PCDHGA3: variants seen among roughly 807,000 people sequenced by gnomAD.
The protein encoded by PCDHGA3 is protocadherin gamma subfamily A, 3.
Under a neutral mutation model 58.5 loss-of-function variants are expected in PCDHGA3, and 40 were observed. The observed-to-expected ratio is 0.68, with a 90% CI of 0.53 to 0.89. The LOEUF (loss-of-function observed/expected upper bound fraction) is 0.89, where lower values mean the gene tolerates loss of function less well. Among genes scored for constraint, PCDHGA3 ranks in the 40% least tolerant of loss-of-function variants. The probability of loss-of-function intolerance (pLI) is 0.00; values close to 1 mark genes in which losing one functional copy is unlikely to be tolerated. For missense variants in PCDHGA3, 1,223 were observed against 1,195.9 expected (o/e 1.02, Z -0.33); for synonymous variants, 530 against 525.7 (o/e 1.01, Z -0.11).
chr5:141,372,607 G>A, intron 1 of PCDHGA3: 1 of 1,614,000 alleles, frequency 6.2e-7, no homozygotes, highest in South Asian at 1.1e-5. Context: ...ACTGTACCTG[G>A]AGTTCTCCCC....
intron 1 of PCDHGA3, among the ~76,000 whole-genome samples, chr5:141,363,586 A>T (rs1211336647): frequency 6.6e-6 from 1 of 152,232 alleles, no homozygotes; most frequent in Non-Finnish European, 1.5e-5. Context: ...TGCATAGTTA[A>T]CCCAACTCAA....
intron 1 of PCDHGA3, chr5:141,393,714 A>G: frequency 6.2e-7 from 1 of 1,613,878 alleles, no homozygotes; most frequent in South Asian, 1.1e-5. Flanking sequence ...TACTGGGGAA[A>G]TATCAATAGC....
intron 1 of PCDHGA3, chr5:141,414,582 C>T (rs2095761888): frequency 2.5e-6 from 4 of 1,613,862 alleles, no homozygotes; most frequent in Non-Finnish European, 3.4e-6. Flanking sequence ...CAGAGAACAA[C>T]GCCAGGGGTG....
At chr5:141,420,817 A>G (rs547074952) in intron 1 of PCDHGA3, among the ~76,000 whole-genome samples, 2 of 152,354 alleles carry the variant, frequency 1.3e-5, no homozygotes, top group South Asian at 2.1e-4. Flanking sequence ...AGCCCTTTTA[A>G]TAATTACTCC....
chr5:141,361,078 T>C (rs898442312), intron 1 of PCDHGA3: 6 of 1,613,886 alleles, frequency 3.7e-6, no homozygotes, highest in Admixed American at 1.7e-5. Context: ...TGCAAGTAGT[T>C]ACACTCTGAG....
intron 1 of PCDHGA3, chr5:141,365,174 C>A: frequency 6.2e-7 from 1 of 1,613,878 alleles, no homozygotes; most frequent in Non-Finnish European, 8.5e-7. Flanking sequence ...CTACTCTTTT[C>A]GCAATGAAGA....
At chr5:141,402,469 A>G (rs2094270515) in intron 1 of PCDHGA3, among the ~76,000 whole-genome samples, 1 of 152,224 alleles carries the variant, frequency 6.6e-6, no homozygotes. Context: ...ATCTAGAAAT[A>G]GAGTGCAAAG....
chr5:141,433,358 C>CCTATCTATCTATCTATCTAT (rs3074541), intron 1 of PCDHGA3: 39 of 504,044 alleles, frequency 7.7e-5, no homozygotes, highest in Admixed American at 1.8e-4. Context: ...CTACTGTCTG[C>CCTATCTATCTATCTATCTAT]CTATCTATCT....
At position 141,511,237 on chromosome 5, in the gene PCDHGA3, TG is replaced by T; in HGVS notation, c.*65del. 1 of 1,590,378 alleles carries T rather than the reference TG, an allele frequency of 6.3e-7. No individual in the cohort carries two copies. Among genetic ancestry groups the T allele is most frequent in the Non-Finnish European group, 8.6e-7 (1 of 1,168,304 alleles). On this transcript the variant is annotated 3_prime_UTR_variant, in exon 4 of 4. Transcript: ENST00000253812. ...CCAACCAGCCCAGCTTCTCCTTACC[TG>T]CACCCAGGCCTCAGAGTTTCAGGGC...
chr5:141,362,184 C>A lies in PCDHGA3; in HGVS notation c.2424+15727C>A, dbSNP rs1252521454. 3.1e-6 allele frequency: 5 copies of A among 1,613,940 alleles called. No homozygotes were observed. The African/African-American group carries it at 6.7e-5, about 22-fold the overall frequency. The stretch of plus-strand genomic sequence containing the variant: ...TCAGCGACCGCCGGGAGCCCTCTGA[C>A]CCCCAGGCAAAACTGCAGTTTTACC... On this transcript the variant is annotated intron_variant, in intron 1 of 3. Coordinates refer to ENST00000253812, the MANE Select transcript of PCDHGA3 (RefSeq NM_018916.4).
chr5:141,487,391 A>C lies in PCDHGA3; in HGVS notation c.2425-7416A>C. 1 of 1,614,090 alleles carries C rather than the reference A, an allele frequency of 6.2e-7. No homozygotes were observed. The highest frequency in any genetic ancestry group is 1.1e-5 in the South Asian group (1 of 91,078). ...TGCCTGTCTCACCAGATCTCGAAGG[A>C]GGGAGGGGCTTCCCCCTTCCAATGG... On this transcript the variant is annotated intron_variant, in intron 1 of 3. Transcript: ENST00000253812. The surrounding 1 kb of genome is among the most constrained non-coding windows in gnomAD (Gnocchi z 5.0).
chr5:141,476,801 C>A lies in PCDHGA3; in HGVS notation c.2425-18006C>A, dbSNP rs752954707. The A allele has an allele frequency of 5.8e-5, 94 of 1,613,468 alleles. No homozygotes were observed. The highest frequency in any genetic ancestry group is 7.9e-5 in the Non-Finnish European group (93 of 1,180,028). The stretch of plus-strand genomic sequence containing the variant: ...GACCCCAGCTCTCTCCGCCAGCCTG[C>A]CTATTCACATCAAGGTGCTGGACGC... On this transcript the variant is annotated intron_variant, in intron 1 of 3. Transcript: ENST00000253812. This position sits in a 1 kb window ranked among gnomAD's most constrained non-coding sequence, Gnocchi z 7.6.
At chr5:141,375,253 C>T in intron 1 of PCDHGA3, 1 of 1,613,916 alleles carries the variant, frequency 6.2e-7, no homozygotes, top group East Asian at 2.2e-5. Flanking sequence ...CGAGAAGTCT[C>T]CCATTTGAAT....
rs755091154 is a variant in PCDHGA3 at position 141,402,943 on chromosome 5, C to T, written c.2424+56486C>T. The stretch of plus-strand genomic sequence containing the variant: ...AGATCCTTTTGAGAAAATTCCAAAG[C>T]GAGGCAGCAATGGCAGCTCCAACCA... On this transcript the variant is annotated intron_variant, in intron 1 of 3. Transcript: ENST00000253812. 1.1e-5 allele frequency: 17 copies of T among 1,590,762 alleles called. No individual in the cohort carries two copies. The African/African-American group carries it at 2.0e-4, about 19-fold the overall frequency.
At position 141,511,319 on chromosome 5, in the gene PCDHGA3, C is replaced by T. The variant is rs2099883711; in HGVS notation, c.*146C>T. On this transcript the variant is annotated 3_prime_UTR_variant, in exon 4 of 4. Coordinates refer to ENST00000253812, the MANE Select transcript of PCDHGA3 (RefSeq NM_018916.4). ...CCATGCTCCCCTTGGGAAACAGAAA[C>T]AAGTGCCCAGTCAGCACCTACCCCT... 1.4e-6 allele frequency: 2 copies of T among 1,477,302 alleles called. No homozygotes were observed. The highest frequency in any genetic ancestry group is 1.4e-5 in the African/African-American group (1 of 70,920). 91.5% of individuals were successfully genotyped at this position (1,477,302 alleles called of 1,614,324 possible).
chr5:141,393,331 G>A (rs2092730399), intron 1 of PCDHGA3: 1 of 1,613,860 alleles, frequency 6.2e-7, no homozygotes. Flanking sequence ...TACCAGCTCA[G>A]CCCCAATCAC....
At chr5:141,403,056 T>A in intron 1 of PCDHGA3, 1 of 1,614,046 alleles carries the variant, frequency 6.2e-7, no homozygotes, top group Non-Finnish European at 8.5e-7. Flanking sequence ...CGCTACTCAG[T>A]GCCTGAAGAG....
intron 1 of PCDHGA3, chr5:141,382,938 C>G (rs1778602174): frequency 6.3e-7 from 1 of 1,592,964 alleles, no homozygotes; most frequent in Admixed American, 1.7e-5. Context: ...ACAGAGGATT[C>G]TTCCTGCTCT....
At position 141,366,470 on chromosome 5, in the gene PCDHGA3, C is replaced by T. The variant is rs374198651; in HGVS notation, c.2424+20013C>T. 3.1e-6 allele frequency: 5 copies of T among 1,614,136 alleles called. No individual in the cohort carries two copies. In the African/African-American group the frequency reaches 6.7e-5, roughly 22 times the overall value. On this transcript the variant is annotated intron_variant, in intron 1 of 3. Transcript: ENST00000253812. ...GGCCTTCGTCATCGTGCTGCTGGTG[C>T]TCAGACTGAGGCGCTGGCACAAGTC...
Sources: gnomAD v4.1 joint callset for allele counts (sites outside exome capture counted in the v4.1 genomes callset) on GRCh38, gnomAD v4.1.1 for gene constraint, Gnocchi (gnomAD v3.1) non-coding constraint, MANE v1.5 for transcripts, NCBI Gene and HGNC (gene_info 2026-07-23, HGNC 2026-07-21) for gene names.